The following SLC26A3 variants were observed in gnomAD, a reference collection of about 807,000 sequenced individuals.
SLC26A3 encodes chloride anion exchanger.
SLC26A3 carries 64 observed loss-of-function variants against 85.6 expected under a neutral mutation model. The ratio of observed to expected loss-of-function variants is 0.75; its 90% confidence interval spans 0.61 to 0.92. The LOEUF (loss-of-function observed/expected upper bound fraction) is 0.92, where lower values mean the gene tolerates loss of function less well. Among genes scored for constraint, SLC26A3 ranks in the 40% least tolerant of loss-of-function variants. The pLI, the probability that SLC26A3 is intolerant of heterozygous loss-of-function variation, is 0.00. For missense variants in SLC26A3, 922 were observed against 927.3 expected, an observed-to-expected ratio of 0.99 and a Z score of 0.07; for synonymous variants, 349 against 336.0, an observed-to-expected ratio of 1.04 and a Z score of -0.42.
At chr7:107,797,136 C>G (rs191701980) in intron 1 of SLC26A3, among the ~76,000 whole-genome samples, 1 of 152,300 alleles carries the variant, frequency 6.6e-6, no homozygotes, top group Admixed American at 6.5e-5. Context: ...CAGTAAAAGC[C>G]TCCTCCTCAT....
In SLC26A3 at chr7:107,778,360, C is replaced by CTTTTTT. The variant is rs10681903; in HGVS notation, c.1408-85_1408-80dup. 50,132 of 446,918 alleles carry CTTTTTT rather than the reference C, an allele frequency of 0.11. 2,124 individuals carry two copies. The highest frequency in any genetic ancestry group is 0.15 in the East Asian group (3,211 of 21,270). 27.7% of individuals were successfully genotyped at this position (446,918 alleles called of 1,614,324 possible). On this transcript the variant is annotated intron_variant, in intron 12 of 20. Coordinates refer to ENST00000340010, the MANE Select transcript of SLC26A3 (RefSeq NM_000111.3). ...GTCGAGACGGGGTCTTTTAAAAAGA[C>CTTTTTT]TTTTTTTTTTTTTTTTTGTAGCGAC... is the stretch of plus-strand genomic sequence containing the variant.
At chr7:107,781,761 C>T (rs1794217732) in intron 11 of SLC26A3, among the ~76,000 whole-genome samples, 2 of 152,014 alleles carry the variant, frequency 1.3e-5, no homozygotes, top group African/African-American at 4.8e-5. Context: ...AACCTGGGAC[C>T]ACAGTCACCG....
At chr7:107,774,658 T>C in intron 16 of SLC26A3, 119 bp downstream of exon 16, 1 of 801,370 alleles carries the variant, frequency 1.2e-6, no homozygotes, top group South Asian at 1.4e-5. Flanking sequence ...ATAACACTCA[T>C]TGACACATGA....
chr7:107,794,572 T>C lies in SLC26A3; in HGVS notation c.-63A>G, dbSNP rs1364791290. 1 of 1,597,696 alleles carries C rather than the reference T, an allele frequency of 6.3e-7. No individual in the cohort carries two copies. The highest frequency in any genetic ancestry group is 8.6e-7 in the Non-Finnish European group (1 of 1,165,546). On this transcript the variant is annotated 5_prime_UTR_variant, in exon 2 of 21. Transcript: ENST00000340010. ...TTGCAACTATGTGGTGAACACTTCT[T>C]CTTGCCTTTAGCAGGTTAAAAATGC... is the stretch of plus-strand genomic sequence containing the variant.
At chr7:107,768,570 G>A (rs1793953606) in intron 18 of SLC26A3, among the ~76,000 whole-genome samples, 1 of 152,188 alleles carries the variant, frequency 6.6e-6, no homozygotes, top group Non-Finnish European at 1.5e-5. Context: ...ATATATTCCT[G>A]TAGTACTGAC....
At chr7:107,794,281 G>A in intron 2 of SLC26A3, 98 bp downstream of exon 2, 1 of 1,350,068 alleles carries the variant, frequency 7.4e-7, no homozygotes, top group Non-Finnish European at 1.1e-6. Flanking sequence ...TGTAGGCTGT[G>A]GACTAGAGCC....
Position 107,791,122 on chromosome 7 carries a change from A to G in SLC26A3, c.496T>C (p.Ser166Pro), listed in dbSNP as rs1472632682. 2 of 1,614,186 alleles carry G rather than the reference A, an allele frequency of 1.2e-6. No homozygotes were observed. Among genetic ancestry groups the G allele is most frequent in the Non-Finnish European group, 1.7e-6 (2 of 1,180,030 alleles). Residue 166 changes from serine to proline, a missense_variant, in exon 5 of 21, where the codon TCT becomes CCT. Physicochemically the swap from Ser to Pro is moderately conservative, Grantham distance 74. Transcript: ENST00000340010. ...TLGLPNNSNN[S>P]SLLDDERVRV... ...ACCCTCTCGTCATCCAGTAGTGAAGAATTATTCGAGTTGTTAGGCAATCCC... is the reference window on the plus strand; with the variant it reads ...ACCCTCTCGTCATCCAGTAGTGAAGGATTATTCGAGTTGTTAGGCAATCCC...
intron 13 of SLC26A3, 73 bp downstream of exon 13, chr7:107,778,102 G>T: frequency 1.0e-6 from 1 of 988,360 alleles, no homozygotes; most frequent in Non-Finnish European, 1.6e-6. Context: ...CTTTTAGCCA[G>T]TGACATTTTT....
intron 18 of SLC26A3, among the ~76,000 whole-genome samples, chr7:107,770,016 T>TTCTTTC (rs1174461836): frequency 2.6e-5 from 1 of 37,796 alleles, no homozygotes; most frequent in Non-Finnish European, 4.6e-5. Flanking sequence ...CTTTCTTTCT[T>TTCTTTC]TCTTTCTTTC....
intron 18 of SLC26A3, among the ~76,000 whole-genome samples, chr7:107,770,320 G>A (rs183596054): frequency 4.0e-5 from 5 of 123,982 alleles, no homozygotes; most frequent in East Asian, 2.8e-4. Flanking sequence ...GCAGTGGCAC[G>A]ATCACAGCTT....
chr7:107,798,318 T>C (rs1364685314), intron 1 of SLC26A3, among the ~76,000 whole-genome samples: 1 of 152,038 alleles, frequency 6.6e-6, no homozygotes, highest in Non-Finnish European at 1.5e-5. Flanking sequence ...ACTATTCCCA[T>C]GTATTAATAA....
At chr7:107,793,979 A>T (rs1435700482) in intron 2 of SLC26A3, 98 bp from the exon 3 acceptor site, 8 of 1,462,248 alleles carry the variant, frequency 5.5e-6, no homozygotes, top group South Asian at 1.2e-5. Flanking sequence ...TATGCTAAAG[A>T]TTAAACTAGT....
At chr7:107,767,423 A>G (rs1024647504) in intron 20 of SLC26A3, among the ~76,000 whole-genome samples, 156 bp downstream of exon 20, 8 of 152,040 alleles carry the variant, frequency 5.3e-5, no homozygotes, top group Admixed American at 2.0e-4. Flanking sequence ...ACTCCCTGTG[A>G]GATTGGTTAG....
chr7:107,795,455 A>G (rs1176720624), intron 1 of SLC26A3, among the ~76,000 whole-genome samples: 1 of 152,196 alleles, frequency 6.6e-6, no homozygotes, highest in East Asian at 1.9e-4. Flanking sequence ...AAATGTTTAA[A>G]TGCACATTAC....
At chr7:107,769,729 G>A (rs530188589) in intron 18 of SLC26A3, among the ~76,000 whole-genome samples, 3 of 152,070 alleles carry the variant, frequency 2.0e-5, no homozygotes, top group African/African-American at 4.8e-5. Context: ...GAACTTAAAA[G>A]TTTTTTTTAA....
At chr7:107,798,238 C>CA (rs1554382856) in intron 1 of SLC26A3, among the ~76,000 whole-genome samples, 1 of 145,226 alleles carries the variant, frequency 6.9e-6, no homozygotes, top group Non-Finnish European at 1.5e-5. Flanking sequence ...TTGTTCTCTG[C>CA]TTTTTTTTTT....
chr7:107,801,849 G>A (rs1437578016), intron 1 of SLC26A3, among the ~76,000 whole-genome samples: 2 of 151,508 alleles, frequency 1.3e-5, no homozygotes, highest in African/African-American at 2.4e-5. Flanking sequence ...GGAGACTGAG[G>A]TGGGAGGATC....
intron 1 of SLC26A3, among the ~76,000 whole-genome samples, chr7:107,798,808 T>C (rs1170711293): frequency 6.6e-6 from 1 of 152,142 alleles, no homozygotes; most frequent in African/African-American, 2.4e-5. Flanking sequence ...ACCTCATGGA[T>C]CTCAAAATAT....
rs1793901590 is a variant in SLC26A3 at position 107,765,731 on chromosome 7, A to C, written c.*124T>G. On this transcript the variant is annotated 3_prime_UTR_variant, in exon 21 of 21. Transcript: ENST00000340010. ...GCCATGCTAGAACCATCTTGTTCCA[A>C]AGTTTGAAACATATTCTGTCAAAAA... 2.0e-5 allele frequency: 15 copies of C among 742,544 alleles called. No individual in the cohort carries two copies. In the South Asian group the frequency reaches 2.2e-4, roughly 11 times the overall value. The allele number at this position is 742,544 out of a possible 1,614,324, so 46.0% of individuals were successfully genotyped here.
Sources: gnomAD v4.1 joint callset for allele counts (sites outside exome capture counted in the v4.1 genomes callset) on GRCh38, gnomAD v4.1.1 for gene constraint, MANE v1.5 for transcripts, NCBI Gene and HGNC (gene_info 2026-07-23, HGNC 2026-07-21) for gene names.